DHRSX: variants seen among roughly 807,000 people sequenced by gnomAD.
DHRSX encodes dehydrogenase/reductase X-linked, also known as polyprenol dehydrogenase.
In DHRSX, 31 loss-of-function variants were observed where a neutral mutation model predicts 34.0. That is an observed-to-expected ratio of 0.91 (90% CI 0.69 to 1.23). DHRSX has a LOEUF of 1.23. DHRSX is among the 50% of genes most tolerant of loss of function. The probability of loss-of-function intolerance (pLI) is 0.00; values close to 1 mark genes in which losing one functional copy is unlikely to be tolerated. For synonymous variants in DHRSX, 201 were observed against 183.8 expected, an observed-to-expected ratio of 1.09 and a Z score of -0.76; for missense variants, 414 against 428.1, an observed-to-expected ratio of 0.97 and a Z score of 0.29.
intron 1 of DHRSX, among the ~76,000 whole-genome samples, chrX:2,496,399 G>C (rs1367461946): frequency 1.3e-5 from 2 of 151,918 alleles, no homozygotes; most frequent in East Asian, 1.9e-4. Context: ...GGGTTCCACT[G>C]TATTGCCCAG....
intron 1 of DHRSX, among the ~76,000 whole-genome samples, chrX:2,431,194 G>A (rs776625982): frequency 3.0e-4 from 46 of 151,852 alleles, no homozygotes; most frequent in Middle Eastern, 3.4e-3. Flanking sequence ...GCGTGGTGGC[G>A]GGCGCCTGTA....
chrX:2,247,491 A>G (rs941161755), intron 5 of DHRSX, among the ~76,000 whole-genome samples: 5 of 151,408 alleles, frequency 3.3e-5, no homozygotes, highest in African/African-American at 1.2e-4. Context: ...CGTCTCTACT[A>G]AAAAAACAAA....
At chrX:2,304,140 AATGGATGGATGG>A (rs765675076) in intron 3 of DHRSX, among the ~76,000 whole-genome samples, 22 of 31,402 alleles carry the variant, frequency 7.0e-4, no homozygotes, top group Non-Finnish European at 9.8e-4. Flanking sequence ...TGGATGGATG[AATGGATGGATGG>A]ATGGATGGAT....
intron 3 of DHRSX, among the ~76,000 whole-genome samples, chrX:2,407,989 A>G (rs909533917): frequency 6.6e-6 from 1 of 152,262 alleles, no homozygotes; most frequent in Non-Finnish European, 1.5e-5. Context: ...CTAGATGGAT[A>G]TTAGAAAGTT....
intron 3 of DHRSX, among the ~76,000 whole-genome samples, chrX:2,317,433 A>G (rs1426027411): frequency 1.4e-5 from 2 of 146,120 alleles, no homozygotes; most frequent in Non-Finnish European, 3.0e-5. Flanking sequence ...TTTATTTTTC[A>G]GTACAGACGG....
chrX:2,435,454 T>A (rs1416904652), intron 1 of DHRSX, among the ~76,000 whole-genome samples: 2 of 109,242 alleles, frequency 1.8e-5, no homozygotes, highest in Admixed American at 8.3e-5. Context: ...AGTAAAAACC[T>A]TAATTGGAAA....
At chrX:2,458,552 A>G (rs2044344806) in intron 1 of DHRSX, among the ~76,000 whole-genome samples, 1 of 152,198 alleles carries the variant, frequency 6.6e-6, no homozygotes, top group African/African-American at 2.4e-5. Context: ...ACTGAAAGAT[A>G]CAATGTGAAG....
At chrX:2,415,729 C>G (rs1168936969) in intron 2 of DHRSX, among the ~76,000 whole-genome samples, 1 of 151,238 alleles carries the variant, frequency 6.6e-6, no homozygotes, top group Non-Finnish European at 1.5e-5. Flanking sequence ...TCACAACCAA[C>G]CCAAATAGAC....
intron 1 of DHRSX, among the ~76,000 whole-genome samples, chrX:2,472,266 G>A (rs773571319): frequency 6.6e-6 from 1 of 152,188 alleles, no homozygotes; most frequent in African/African-American, 2.4e-5. Context: ...ACTGATAAGT[G>A]ACAGCTAAAC....
chrX:2,332,310 G>A (rs752867354), intron 3 of DHRSX, among the ~76,000 whole-genome samples: 1 of 152,318 alleles, frequency 6.6e-6, no homozygotes, highest in South Asian at 2.1e-4. Context: ...GAAAGGCTAT[G>A]AGCAGAGATT....
intron 1 of DHRSX, among the ~76,000 whole-genome samples, chrX:2,454,837 G>A (rs2044273390): frequency 1.3e-5 from 2 of 152,060 alleles, no homozygotes; most frequent in African/African-American, 4.8e-5. Flanking sequence ...GATTGGTTGG[G>A]CGTGGTGGCT....
At chrX:2,225,251 ACT>A (rs1180508473) in intron 6 of DHRSX, among the ~76,000 whole-genome samples, 1 of 150,834 alleles carries the variant, frequency 6.6e-6, no homozygotes, top group South Asian at 2.1e-4. Context: ...ACATGCTCAC[ACT>A]CATTCACATG....
chrX:2,301,578 TG>T (rs1434690922), intron 3 of DHRSX, among the ~76,000 whole-genome samples: 1 of 152,208 alleles, frequency 6.6e-6, no homozygotes, highest in Non-Finnish European at 1.5e-5. Context: ...TGCAGCATTC[TG>T]GTCTTTGTAT....
At chrX:2,330,394 GC>G (rs2042450985) in intron 3 of DHRSX, among the ~76,000 whole-genome samples, 1 of 151,698 alleles carries the variant, frequency 6.6e-6, no homozygotes, top group Admixed American at 6.6e-5. Context: ...GGTGGTGCAT[GC>G]CTGTAATCCC....
rs115615529 is a variant in DHRSX, at chrX:2,321,801, T to G, written c.287-30198A>C. Among the ~76,000 whole-genome samples, 1,012 of 152,212 alleles carry G rather than the reference T, an allele frequency of 6.6e-3. 14 individuals are homozygous for G. Among genetic ancestry groups the G allele is most frequent in the Middle Eastern group, 0.034 (10 of 294 alleles). Reference sequence around the variant, plus strand: ...TTCTACGGGCATTTTCTTCTACCTCTGCCACCCCGGAGCCAGCAAGACCAA... The same window carrying G: ...TTCTACGGGCATTTTCTTCTACCTCGGCCACCCCGGAGCCAGCAAGACCAA... On this transcript the variant is annotated intron_variant, in intron 3 of 6. Coordinates refer to ENST00000334651, the MANE Select transcript of DHRSX (RefSeq NM_145177.3).
At chrX:2,405,847 G>A (rs577252761) in intron 3 of DHRSX, among the ~76,000 whole-genome samples, 1 of 151,848 alleles carries the variant, frequency 6.6e-6, no homozygotes, top group African/African-American at 2.4e-5. Flanking sequence ...CCCCCACTTG[G>A]GGGAATTCTC....
intron 3 of DHRSX, among the ~76,000 whole-genome samples, chrX:2,310,994 G>A (rs1159493305): frequency 6.6e-6 from 1 of 151,542 alleles, no homozygotes; most frequent in Non-Finnish European, 1.5e-5. Context: ...CCGGGAGGCG[G>A]AGGTTGTAGT....
intron 1 of DHRSX, among the ~76,000 whole-genome samples, chrX:2,491,018 C>T (rs886527232): frequency 2.0e-5 from 3 of 150,986 alleles, no homozygotes; most frequent in African/African-American, 4.9e-5. Flanking sequence ...TACAGGTTTG[C>T]GAGTGAGCAC....
intron 3 of DHRSX, among the ~76,000 whole-genome samples, chrX:2,316,764 G>A (rs1203238549): frequency 6.6e-6 from 1 of 152,118 alleles, no homozygotes; most frequent in Non-Finnish European, 1.5e-5. Context: ...ACTGCTCAAG[G>A]TCATCGCCAA....
Sources: allele counts gnomAD v4.1 joint callset (sites outside exome capture counted in the v4.1 genomes callset), GRCh38; gene constraint gnomAD v4.1.1; transcripts MANE v1.5; gene names NCBI Gene and HGNC (gene_info 2026-07-23, HGNC 2026-07-21).